The following CCBE1 variants were observed in gnomAD, a reference collection of about 807,000 sequenced individuals.
CCBE1 encodes the protein collagen and calcium binding EGF domains 1.
A neutral mutation model predicts 50.0 loss-of-function variants in CCBE1; 37 were observed. The observed-to-expected ratio is 0.74, with a 90% CI of 0.57 to 0.97. The LOEUF (loss-of-function observed/expected upper bound fraction) is 0.97. Among genes scored for constraint, CCBE1 ranks in the 50% least tolerant of loss-of-function variants. The pLI, the probability that CCBE1 is intolerant of heterozygous loss-of-function variation, is 0.00. For missense variants in CCBE1, 538 were observed against 523.8 expected (o/e 1.03, Z -0.26); for synonymous variants, 234 against 203.7 (o/e 1.15, Z -1.27).
chr18:59,445,567 C>T (rs1910633170), intron 7 of CCBE1, among the ~76,000 whole-genome samples: 1 of 152,204 alleles, frequency 6.6e-6, no homozygotes, highest in Non-Finnish European at 1.5e-5. Flanking sequence ...AGACTTTAAA[C>T]TTTTCACATT....
Position 59,439,711 on chromosome 18 carries a change from A to G in CCBE1, c.881T>C (p.Leu294Pro). 6.2e-7 allele frequency: 1 copy of G among 1,614,272 alleles called. No individual in the cohort carries two copies. Among genetic ancestry groups the G allele is most frequent in the South Asian group, 1.1e-5 (1 of 91,084 alleles). The stretch of plus-strand genomic sequence containing the variant: ...CCTCCGGCCTTGCTTAATGTGGGAC[A>G]GATCAGGAGATGGTCCCATGGGTCC... ...SMGPMGPSPD[L>P]SHIKQGRRGP... The change falls in exon 8 of 11, where the codon CTG becomes CCG. Residue 294 changes from leucine (L) to proline (P), a missense_variant. Leu to Pro is a moderately conservative substitution (Grantham distance 98, BLOSUM62 -3). Transcript: ENST00000439986.
chr18:59,446,555 C>T (rs1448577846), intron 7 of CCBE1, among the ~76,000 whole-genome samples: 2 of 152,148 alleles, frequency 1.3e-5, no homozygotes, highest in Non-Finnish European at 2.9e-5. Context: ...GACGGAGACT[C>T]AGGCTTGTGT....
At position 59,696,798 on chromosome 18, in the gene CCBE1, TC is replaced by T. The variant is rs1301601025; in HGVS notation, c.132-90del. 6 of 1,381,296 alleles carry T rather than the reference TC, an allele frequency of 4.3e-6. No homozygotes were observed. The Admixed American group carries it at 1.0e-4, about 23-fold the overall frequency. 85.6% of individuals were successfully genotyped at this position (1,381,296 alleles called of 1,614,324 possible). On this transcript the variant is annotated intron_variant, in intron 1 of 10. Transcript: ENST00000439986. ...CTGGGGAATCCCTGGCGCGTGGGGA[TC>T]GCCAGGCTCCCCGTCCCGGCGCTCT... is the stretch of plus-strand genomic sequence containing the variant.
chr18:59,492,216 T>C (rs1014994909), intron 2 of CCBE1, among the ~76,000 whole-genome samples: 3 of 151,030 alleles, frequency 2.0e-5, no homozygotes. Flanking sequence ...ATAATCCACA[T>C]GCATATTTTA....
intron 2 of CCBE1, among the ~76,000 whole-genome samples, chr18:59,639,083 G>C (rs1287159601): frequency 6.6e-6 from 1 of 152,148 alleles, no homozygotes; most frequent in Non-Finnish European, 1.5e-5. Flanking sequence ...AGACCAGCGT[G>C]AGCAACATGG....
intron 2 of CCBE1, among the ~76,000 whole-genome samples, chr18:59,614,582 C>A (rs557860931): frequency 5.4e-4 from 82 of 152,156 alleles, no homozygotes; most frequent in Non-Finnish European, 9.3e-4. Context: ...TCTCAAGACC[C>A]ATGCTATGGC....
At chr18:59,686,853 C>G (rs1568273424) in intron 2 of CCBE1, among the ~76,000 whole-genome samples, 1 of 152,222 alleles carries the variant, frequency 6.6e-6, no homozygotes, top group African/African-American at 2.4e-5. Context: ...TAAAACCCTT[C>G]AAACTTTCTC....
intron 2 of CCBE1, among the ~76,000 whole-genome samples, chr18:59,527,909 AT>A (rs1914892931): frequency 6.6e-6 from 1 of 151,922 alleles, no homozygotes. Context: ...CTCCCCTAAC[AT>A]TTTTTTCCTG....
At chr18:59,482,212 G>A (rs761971342) in intron 2 of CCBE1, among the ~76,000 whole-genome samples, 12 of 152,224 alleles carry the variant, frequency 7.9e-5, no homozygotes, top group African/African-American at 1.4e-4. Context: ...TGCAAAGGAC[G>A]TGAACTCATT....
intron 2 of CCBE1, among the ~76,000 whole-genome samples, chr18:59,695,157 A>G (rs1240348329): frequency 6.6e-6 from 1 of 152,208 alleles, no homozygotes; most frequent in Non-Finnish European, 1.5e-5. Flanking sequence ...TCAGGGACTG[A>G]AAAAATGAGC....
chr18:59,669,274 G>T (rs2054400636), intron 2 of CCBE1, among the ~76,000 whole-genome samples: 1 of 152,162 alleles, frequency 6.6e-6, no homozygotes, highest in African/African-American at 2.4e-5. Context: ...AACATTAAAA[G>T]ACTTGGACAA....
At chr18:59,590,590 G>A (rs1167905452) in intron 2 of CCBE1, among the ~76,000 whole-genome samples, 1 of 152,154 alleles carries the variant, frequency 6.6e-6, no homozygotes, top group Non-Finnish European at 1.5e-5. Context: ...AAAGCCACAG[G>A]AGGAATATCC....
intron 2 of CCBE1, among the ~76,000 whole-genome samples, chr18:59,587,443 G>GA (rs1251414241): frequency 1.3e-5 from 2 of 152,168 alleles, no homozygotes; most frequent in Non-Finnish European, 2.9e-5. Context: ...AGTCATGTAT[G>GA]AAAAAACGTT....
intron 7 of CCBE1, among the ~76,000 whole-genome samples, chr18:59,445,227 G>T (rs963717784): frequency 1.3e-5 from 2 of 152,164 alleles, no homozygotes; most frequent in Non-Finnish European, 2.9e-5. Flanking sequence ...ATGGTGTAAG[G>T]TAAGGGTCCA....
chr18:59,521,429 G>GTT (rs1027154899), intron 2 of CCBE1, among the ~76,000 whole-genome samples: 5 of 150,636 alleles, frequency 3.3e-5, no homozygotes, highest in African/African-American at 7.3e-5. Context: ...TTTGTTTTTT[G>GTT]TTTTTTTTTC....
At chr18:59,549,693 A>C (rs61316088) in intron 2 of CCBE1, among the ~76,000 whole-genome samples, 15,776 of 152,212 alleles carry the variant, frequency 0.1, 1,113 homozygotes, top group East Asian at 0.34. Flanking sequence ...AATGTGCTGC[A>C]GTGATATAGT....
intron 2 of CCBE1, chr18:59,685,735 C>T (rs1401426595): frequency 6.6e-6 from 1 of 152,214 alleles, no homozygotes; most frequent in Non-Finnish European, 1.5e-5. Context: ...TATGCGCAGT[C>T]AAGGCTGAGA....
At chr18:59,632,834 C>G (rs2053867424) in intron 2 of CCBE1, among the ~76,000 whole-genome samples, 2 of 151,986 alleles carry the variant, frequency 1.3e-5, no homozygotes, top group Non-Finnish European at 2.9e-5. Context: ...GTCTCGAACT[C>G]CTGACCTCGG....
intron 3 of CCBE1, among the ~76,000 whole-genome samples, chr18:59,471,377 C>T (rs987789364): frequency 1.6e-4 from 25 of 152,300 alleles, no homozygotes; most frequent in African/African-American, 5.1e-4. Flanking sequence ...AACTTTTTCA[C>T]GGCCTCCTGT....
Sources: gnomAD v4.1 joint callset for allele counts (sites outside exome capture counted in the v4.1 genomes callset) on GRCh38, gnomAD v4.1.1 for gene constraint, MANE v1.5 for transcripts, NCBI Gene and HGNC (gene_info 2026-07-23, HGNC 2026-07-21) for gene names.